ANKRD60: variants seen among roughly 807,000 people sequenced by gnomAD.
The protein encoded by ANKRD60 is ankyrin repeat domain-containing protein 60.
Under a neutral mutation model 21.3 loss-of-function variants are expected in ANKRD60, and 24 were observed. The ratio of observed to expected loss-of-function variants is 1.13; its 90% CI spans 0.82 to 1.59. ANKRD60 has a LOEUF of 1.59. ANKRD60 is among the 40% of genes most tolerant of loss of function. The probability of loss-of-function intolerance (pLI) is 0.00; values close to 1 mark genes in which losing one functional copy is unlikely to be tolerated. For missense variants in ANKRD60, 490 were observed against 466.7 expected (o/e 1.05, Z -0.46); for synonymous variants, 182 against 199.4 (o/e 0.91, Z 0.74).
In ANKRD60 at chr20:58,228,180, G is replaced by A; in HGVS notation, c.430+44C>T. 6.7e-7 allele frequency: 1 copy of A among 1,486,438 alleles called. No homozygotes were observed. The highest frequency in any genetic ancestry group is 9.1e-7 in the Non-Finnish European group (1 of 1,101,304). The allele number at this position is 1,486,438 out of a possible 1,614,324, so 92.1% of individuals were successfully genotyped here. A position where few individuals can be genotyped will look rare whatever the true frequency, so the allele number is the denominator to read the frequency against. On this transcript the variant is annotated intron_variant, in intron 1 of 3. Transcript: ENST00000457363. The surrounding 1 kb of genome is among the most constrained non-coding windows in gnomAD (Gnocchi z 5.3). Reference sequence around the variant, plus strand: ...GGAATCCACTTCAGAAGTGGACAGGGTGCCCTTGCATGTGGCCAGGGAAGG... The same window carrying A: ...GGAATCCACTTCAGAAGTGGACAGGATGCCCTTGCATGTGGCCAGGGAAGG...
rs1323699557 is a variant in ANKRD60 at position 58,228,493 on chromosome 20, C to G, written c.161G>C (p.Gly54Ala). The change falls in exon 1 of 4, where the codon GGC becomes GCC. Residue 54 changes from glycine (G) to alanine (A), a missense_variant. Gly to Ala is a moderately conservative substitution (Grantham distance 60). Coordinates refer to ENST00000457363, the Ensembl canonical transcript of ANKRD60. This position sits in a 1 kb window ranked among gnomAD's most constrained non-coding sequence, Gnocchi z 5.3. The stretch of plus-strand genomic sequence containing the variant: ...GGGGAGGGCCCGCGAGTCCGCCGAG[C>G]CCACCCTGGGCCCGCCGCACCCCTG... The G allele has an allele frequency of 2.7e-6, 4 of 1,477,858 alleles. No individual in the cohort carries two copies. The African/African-American group carries it at 5.8e-5, about 22-fold the overall frequency. The allele number at this position is 1,477,858 out of a possible 1,614,324, so 91.5% of individuals were successfully genotyped here.
intron 1 of ANKRD60, among the ~76,000 whole-genome samples, chr20:58,226,592 C>G (rs1285423564): frequency 6.6e-6 from 1 of 152,136 alleles, no homozygotes; most frequent in Non-Finnish European, 1.5e-5. Context: ...GACTTCCTGA[C>G]ATGGACATGG....
intron 3 of ANKRD60, among the ~76,000 whole-genome samples, chr20:58,220,582 T>C (rs1348859054): frequency 3.5e-4 from 53 of 151,574 alleles, no homozygotes; most frequent in Non-Finnish European, 1.0e-4. Context: ...GAATGTCTTG[T>C]GAGAAAATAA....
chr20:58,224,230 C>A (rs577160068), intron 1 of ANKRD60, among the ~76,000 whole-genome samples: 1 of 152,298 alleles, frequency 6.6e-6, no homozygotes, highest in African/African-American at 2.4e-5. Flanking sequence ...AGTACCAGAG[C>A]TCCTTAGGCC....
chr20:58,218,731 A>G, exon 4 of ANKRD60: 2 of 1,551,586 alleles, frequency 1.3e-6, no homozygotes, highest in Middle Eastern at 1.7e-4. Context: ...AGGATTATAC[A>G]GTCTGACCGG....
In ANKRD60 at chr20:58,223,047, A is replaced by G. The variant is rs1246679055; in HGVS notation, c.561+5T>C. Reference sequence around the variant, plus strand: ...TAATATCCATTTAAAGAAGCTTGAAAACACCTTGCTGGGATCCCCTTCCAC... The same window carrying G: ...TAATATCCATTTAAAGAAGCTTGAAGACACCTTGCTGGGATCCCCTTCCAC... On this transcript the variant is annotated splice_donor_5th_base_variant and intron_variant, in intron 2 of 3. Coordinates refer to ENST00000457363, the Ensembl canonical transcript of ANKRD60. The G allele has an allele frequency of 6.5e-7, 1 of 1,543,544 alleles. No individual in the cohort carries two copies. The highest frequency in any genetic ancestry group is 8.7e-7 in the Non-Finnish European group (1 of 1,144,686).
intron 3 of ANKRD60, among the ~76,000 whole-genome samples, chr20:58,220,581 G>T (rs1481163076): frequency 8.6e-5 from 13 of 151,656 alleles, no homozygotes; most frequent in Admixed American, 8.5e-4. Flanking sequence ...TGAATGTCTT[G>T]TGAGAAAATA....
chr20:58,222,733 C>T lies in ANKRD60; in HGVS notation c.561+319G>A, dbSNP rs1440123776. On this transcript the variant is annotated intron_variant, in intron 2 of 3. Transcript: ENST00000457363. ...ACGCTTCTCAGTTATCTGGAGTTCTCCTCTCAGTATTAAATTAGATTTCCA... is the reference window on the plus strand; with the variant it reads ...ACGCTTCTCAGTTATCTGGAGTTCTTCTCTCAGTATTAAATTAGATTTCCA... 2.6e-5 allele frequency among the ~76,000 whole-genome samples: 4 copies of T among 152,212 alleles called. No homozygotes were observed. The East Asian group carries it at 7.7e-4, about 29-fold the overall frequency.
rs536021256 is a variant in ANKRD60 at position 58,224,102 on chromosome 20, C to A, written c.431-920G>T. The stretch of plus-strand genomic sequence containing the variant: ...GGGCAATAGAGTGAAACCCTGTCTC[C>A]AAAAAAAAAAAAGGCTCCAGACATT... On this transcript the variant is annotated intron_variant, in intron 1 of 3. Transcript: ENST00000457363. Among the ~76,000 whole-genome samples the A allele has an allele frequency of 2.4e-3, 317 of 130,784 alleles. 4 individuals carry two copies. Among genetic ancestry groups the A allele is most frequent in the Middle Eastern group, 7.4e-3 (2 of 272 alleles). The allele number at this position is 130,784 out of a possible 152,430, so 85.8% of individuals were successfully genotyped here. A position where few individuals can be genotyped will look rare whatever the true frequency, so the allele number is the denominator to read the frequency against.
intron 1 of ANKRD60, among the ~76,000 whole-genome samples, chr20:58,225,689 T>C (rs918424176): frequency 5.3e-5 from 8 of 152,196 alleles, no homozygotes; most frequent in Non-Finnish European, 1.2e-4. Context: ...TTCAGATCTG[T>C]CTCCATCGCT....
chr20:58,224,459 C>G (rs565552950), intron 1 of ANKRD60, among the ~76,000 whole-genome samples: 7 of 152,194 alleles, frequency 4.6e-5, no homozygotes, highest in African/African-American at 9.6e-5. Flanking sequence ...TTTGTTAACT[C>G]CATCTGCTGA....
chr20:58,228,364 C>T lies in ANKRD60; in HGVS notation c.290G>A (p.Arg97Gln), dbSNP rs868160975. Residue 97 changes from arginine (R) to glutamine (Q), a missense_variant, in exon 1 of 4, where the codon CGG becomes CAG. Arg to Gln is a conservative substitution (Grantham distance 43, BLOSUM62 1). Coordinates refer to ENST00000457363, the Ensembl canonical transcript of ANKRD60. This position sits in a 1 kb window ranked among gnomAD's most constrained non-coding sequence, Gnocchi z 5.3. ...CTCCCCCGTCTCCTCCAGCCGCACC[C>T]GCAGGACGAAGACGTCAGGGGCCAA... 1 of 1,550,288 alleles carries T rather than the reference C, an allele frequency of 6.5e-7. No homozygotes were observed. The highest frequency in any genetic ancestry group is 8.7e-7 in the Non-Finnish European group (1 of 1,146,900).
chr20:58,227,599 G>A (rs1230744902), intron 1 of ANKRD60, among the ~76,000 whole-genome samples: 1 of 152,070 alleles, frequency 6.6e-6, no homozygotes, highest in East Asian at 1.9e-4. Flanking sequence ...TCGGTGTTGG[G>A]CAATTTTATT....
In ANKRD60 at chr20:58,218,629, C is replaced by A. The variant is rs141764287; in HGVS notation, c.904G>T (p.Glu302Ter). 1.1e-4 allele frequency: 177 copies of A among 1,551,806 alleles called. No individual in the cohort carries two copies. The highest frequency in any genetic ancestry group is 1.5e-4 in the Non-Finnish European group (172 of 1,147,020). ...CGGTGGAGGAGGACCATCTGCCTCT[C>A]GCTCAGTGTGTGGTTCAGGCGGTGT... is the stretch of plus-strand genomic sequence containing the variant. The change falls in exon 4 of 4, where the codon GAG (glutamate) becomes TAG (stop). Residue 302 changes from glutamate (E) to a stop codon, truncating the protein, a stop_gained. Transcript: ENST00000457363. LOFTEE classifies it low-confidence loss of function (END_TRUNC).
In ANKRD60 at chr20:58,221,658, AAACAC is replaced by A. The variant is rs544551832; in HGVS notation, c.562-160_562-156del. On this transcript the variant is annotated intron_variant, in intron 2 of 3. Coordinates refer to ENST00000457363, the Ensembl canonical transcript of ANKRD60. ...GTGCAAACCCTCATGAAAAGCTGAG[AAACAC>A]CCAGGACAGCATGGGGAGGCCATGA... 3.9e-5 allele frequency among the ~76,000 whole-genome samples: 6 copies of A among 152,306 alleles called. No homozygotes were observed. The South Asian group carries it at 1.2e-3, about 32-fold the overall frequency.
chr20:58,219,555 C>T (rs75251648), intron 3 of ANKRD60, among the ~76,000 whole-genome samples: 70 of 152,286 alleles, frequency 4.6e-4, no homozygotes, highest in South Asian at 2.1e-3. Flanking sequence ...AATTCCCCAC[C>T]GCCTCCTGCA....
At chr20:58,220,134 A>G (rs1984215966) in intron 3 of ANKRD60, among the ~76,000 whole-genome samples, 1 of 152,216 alleles carries the variant, frequency 6.6e-6, no homozygotes, top group South Asian at 2.1e-4. Context: ...AGTAGGAAAG[A>G]AAGGGGTCTA....
At chr20:58,217,337 G>A (rs1457944748), downstream of ANKRD60, among the ~76,000 whole-genome samples, 7 of 152,166 alleles carry the variant, frequency 4.6e-5, no homozygotes, top group East Asian at 1.4e-3. Flanking sequence ...GCTGAGGCAG[G>A]AGAATCGCTT....
chr20:58,228,136 G>C lies in ANKRD60; in HGVS notation c.430+88C>G, dbSNP rs921834518. ...TGCTTTGACATCTGGGGTTTCTCAC[G>C]TAAGCAGGCTTCCCTTTGGGAATCC... On this transcript the variant is annotated intron_variant, in intron 1 of 3. Coordinates refer to ENST00000457363, the Ensembl canonical transcript of ANKRD60. This position sits in a 1 kb window ranked among gnomAD's most constrained non-coding sequence, Gnocchi z 5.3. 3 of 1,322,882 alleles carry C rather than the reference G, an allele frequency of 2.3e-6. No homozygotes were observed. Among genetic ancestry groups the C allele is most frequent in the Non-Finnish European group, 3.1e-6 (3 of 977,638 alleles). 81.9% of individuals were successfully genotyped at this position (1,322,882 alleles called of 1,614,324 possible). A position where few individuals can be genotyped will look rare whatever the true frequency, so the allele number is the denominator to read the frequency against.
Sources: allele counts gnomAD v4.1 joint callset (sites outside exome capture counted in the v4.1 genomes callset), GRCh38; gene constraint gnomAD v4.1.1; non-coding constraint Gnocchi (gnomAD v3.1); transcripts MANE v1.5; gene names NCBI Gene and HGNC (gene_info 2026-07-23, HGNC 2026-07-21).